EPHA6: variants seen among roughly 807,000 people sequenced by gnomAD.
EPHA6 encodes the protein EPH receptor A6, also known as ephrin type-A receptor 6.
In EPHA6, 50 loss-of-function variants were observed where a neutral mutation model predicts 112.0. The observed-to-expected ratio is 0.45, with a 90% CI of 0.36 to 0.56. The LOEUF (loss-of-function observed/expected upper bound fraction) is 0.56, where lower values mean the gene tolerates loss of function less well. EPHA6 is among the 20% of genes least tolerant of loss of function. The pLI is 0.00. For missense variants in EPHA6, 1,280 were observed against 1,417.4 expected (o/e 0.90, Z 1.56); for synonymous variants, 529 against 490.7 (o/e 1.08, Z -1.03).
At chr3:97,484,420 C>G (rs947118173) in intron 10 of EPHA6, among the ~76,000 whole-genome samples, 1 of 152,038 alleles carries the variant, frequency 6.6e-6, no homozygotes, top group South Asian at 2.1e-4. Flanking sequence ...TGACCATGAG[C>G]CTCTGCAAGA....
chr3:97,435,543 A>G (rs763331366), intron 6 of EPHA6, among the ~76,000 whole-genome samples: 19 of 152,170 alleles, frequency 1.2e-4, no homozygotes, highest in Non-Finnish European at 1.9e-4. Flanking sequence ...AACAATCAAT[A>G]TATACAGATG....
Position 96,833,881 on chromosome 3 carries a change from A to C in EPHA6, c.385+18873A>C, listed in dbSNP as rs774035425. Reference sequence around the variant, plus strand: ...TGCTACAAATTACTAGACCTTATTCATTCCAATTCATAAATATATACAAGT... The same window carrying C: ...TGCTACAAATTACTAGACCTTATTCCTTCCAATTCATAAATATATACAAGT... On this transcript the variant is annotated intron_variant, in intron 1 of 17. Transcript: ENST00000389672. Among the ~76,000 whole-genome samples the C allele has an allele frequency of 1.4e-4, 21 of 152,154 alleles. 1 individual carries two copies. The South Asian group carries it at 1.7e-3, about 12-fold the overall frequency.
intron 7 of EPHA6, among the ~76,000 whole-genome samples, chr3:97,470,807 A>T (rs2091207706): frequency 6.6e-6 from 1 of 151,662 alleles, no homozygotes; most frequent in Non-Finnish European, 1.5e-5. Context: ...TTCCCAAATC[A>T]TAGAATGAAA....
In EPHA6 at chr3:97,210,964, C is replaced by A. The variant is rs570405402; in HGVS notation, c.1115-15300C>A. 2.0e-3 allele frequency among the ~76,000 whole-genome samples: 305 copies of A among 152,298 alleles called. 1 individual carries two copies. Among genetic ancestry groups the A allele is most frequent in the African/African-American group, 6.6e-3 (274 of 41,572 alleles). ...GCTATGAGCAAAGAACCTAAATTCTCCGCGTGGCCATCTCCATGGCTGCTT... is the reference window on the plus strand; with the variant it reads ...GCTATGAGCAAAGAACCTAAATTCTACGCGTGGCCATCTCCATGGCTGCTT... On this transcript the variant is annotated intron_variant, in intron 3 of 17. Transcript: ENST00000389672.
At chr3:97,656,737 C>T (rs1560237526) in intron 14 of EPHA6, among the ~76,000 whole-genome samples, 1 of 151,990 alleles carries the variant, frequency 6.6e-6, no homozygotes, top group East Asian at 1.9e-4. Flanking sequence ...CTGCAAAGAG[C>T]TTTCCTCAAA....
chr3:97,496,670 A>C (rs1021703078), intron 10 of EPHA6, among the ~76,000 whole-genome samples: 1 of 152,014 alleles, frequency 6.6e-6, no homozygotes, highest in Non-Finnish European at 1.5e-5. Context: ...CCTTGCTTTC[A>C]TTCTGGCCAT....
intron 3 of EPHA6, among the ~76,000 whole-genome samples, chr3:97,114,182 C>A (rs1243707784): frequency 6.6e-6 from 1 of 152,024 alleles, no homozygotes; most frequent in African/African-American, 2.4e-5. Context: ...CCAATCATGC[C>A]GTTTTAAATG....
At chr3:96,914,001 T>C (rs2039362193) in intron 2 of EPHA6, among the ~76,000 whole-genome samples, 1 of 152,136 alleles carries the variant, frequency 6.6e-6, no homozygotes, top group South Asian at 2.1e-4. Flanking sequence ...AGTGGAGATA[T>C]GATCAACAAT....
chr3:97,602,862 T>A (rs1189728316), intron 12 of EPHA6, among the ~76,000 whole-genome samples: 1 of 152,044 alleles, frequency 6.6e-6, no homozygotes, highest in African/African-American at 2.4e-5. Flanking sequence ...TAATTTAATT[T>A]AGTTTTGAAC....
chr3:97,121,316 G>A (rs978536602), intron 3 of EPHA6, among the ~76,000 whole-genome samples: 5 of 152,030 alleles, frequency 3.3e-5, no homozygotes, highest in African/African-American at 1.2e-4. Context: ...AAGTGCTAAT[G>A]TAAGAGTAGC....
chr3:97,401,257 A>G, intron 5 of EPHA6, among the ~76,000 whole-genome samples: 1 of 151,746 alleles, frequency 6.6e-6, no homozygotes, highest in Non-Finnish European at 1.5e-5. Flanking sequence ...CTGTTAAATG[A>G]ATTAATTTGG....
intron 3 of EPHA6, among the ~76,000 whole-genome samples, chr3:97,034,148 C>T (rs1194880509): frequency 6.6e-6 from 1 of 151,822 alleles, no homozygotes; most frequent in African/African-American, 2.4e-5. Context: ...ACTTTCTTGA[C>T]AAGGTTGTAT....
chr3:97,323,026 G>T (rs2082192872), intron 5 of EPHA6, among the ~76,000 whole-genome samples: 1 of 151,946 alleles, frequency 6.6e-6, no homozygotes, highest in Admixed American at 6.6e-5. Context: ...AAAGAAAATT[G>T]GACCCCTTAG....
Position 96,984,326 on chromosome 3 carries a change from C to G in EPHA6, c.451-3004C>G, listed in dbSNP as rs552574486. On this transcript the variant is annotated intron_variant, in intron 2 of 17. Coordinates refer to ENST00000389672, the MANE Select transcript of EPHA6 (RefSeq NM_001080448.3). ...AGTTTGCTGGAGGTCCACTCCAGAC[C>G]CTGTTTGCCTGGGTATCTGCAGTGG... is the stretch of plus-strand genomic sequence containing the variant. Among the ~76,000 whole-genome samples, 22 of 152,172 alleles carry G rather than the reference C, an allele frequency of 1.4e-4. No homozygotes were observed. In the East Asian group the frequency reaches 3.9e-3, roughly 27 times the overall value.
At chr3:97,265,380 G>A (rs2079640972) in intron 5 of EPHA6, among the ~76,000 whole-genome samples, 1 of 152,102 alleles carries the variant, frequency 6.6e-6, no homozygotes. Flanking sequence ...CCCCAACATC[G>A]GCTTCTCTCT....
intron 14 of EPHA6, among the ~76,000 whole-genome samples, chr3:97,646,703 C>T (rs1371807294): frequency 6.6e-6 from 1 of 152,102 alleles, no homozygotes; most frequent in Non-Finnish European, 1.5e-5. Flanking sequence ...GCATCCTGAG[C>T]TACTGTGTAG....
At chr3:97,187,466 A>G (rs896092983) in intron 3 of EPHA6, among the ~76,000 whole-genome samples, 3 of 151,762 alleles carry the variant, frequency 2.0e-5, no homozygotes, top group African/African-American at 7.3e-5. Flanking sequence ...GCTACTTAGG[A>G]GGCTGAGGCA....
chr3:97,096,572 C>G (rs2047244946), intron 3 of EPHA6, among the ~76,000 whole-genome samples: 1 of 151,756 alleles, frequency 6.6e-6, no homozygotes, highest in Admixed American at 6.6e-5. Flanking sequence ...AGAATATAAC[C>G]TGTCATGGGT....
intron 9 of EPHA6, among the ~76,000 whole-genome samples, chr3:97,483,273 T>C (rs2091608033): frequency 6.6e-6 from 1 of 152,198 alleles, no homozygotes; most frequent in East Asian, 1.9e-4. Flanking sequence ...CCAATGAAGC[T>C]CAGCAGATAC....
Sources: gnomAD v4.1 joint callset for allele counts (sites outside exome capture counted in the v4.1 genomes callset) on GRCh38, gnomAD v4.1.1 for gene constraint, MANE v1.5 for transcripts, NCBI Gene and HGNC (gene_info 2026-07-23, HGNC 2026-07-21) for gene names.